Variants in FRMD4A observed in about 807,000 individuals in gnomAD.
The protein encoded by FRMD4A is FERM domain-containing protein 4A.
Under a neutral mutation model 129.1 loss-of-function variants are expected in FRMD4A, and 29 were observed. That is an observed-to-expected ratio of 0.22 (90% CI 0.17 to 0.31). FRMD4A has a LOEUF of 0.31. Among genes scored for constraint, FRMD4A ranks in the 10% least tolerant of loss-of-function variants. The pLI, the probability that FRMD4A is intolerant of heterozygous loss-of-function variation, is 1.00. For synonymous variants in FRMD4A, 634 were observed against 571.6 expected, an observed-to-expected ratio of 1.11 and a Z score of -1.56; for missense variants, 1,272 against 1,375.8, an observed-to-expected ratio of 0.92 and a Z score of 1.19.
intron 2 of FRMD4A, among the ~76,000 whole-genome samples, chr10:13,874,895 T>C (rs2094473552): frequency 6.6e-6 from 1 of 152,224 alleles, no homozygotes; most frequent in Non-Finnish European, 1.5e-5. Flanking sequence ...AACTTCTATG[T>C]TCTGTAGAGG....
At chr10:14,309,792 G>A (rs920055914) in intron 2 of FRMD4A, among the ~76,000 whole-genome samples, 2 of 152,046 alleles carry the variant, frequency 1.3e-5, no homozygotes, top group South Asian at 2.1e-4. Flanking sequence ...TCTTCCCAAC[G>A]TAGTCTTCTC....
chr10:14,056,591 G>A (rs1834543694), intron 2 of FRMD4A, among the ~76,000 whole-genome samples: 1 of 151,690 alleles, frequency 6.6e-6, no homozygotes, highest in African/African-American at 2.4e-5. Flanking sequence ...TTAAGTTTTG[G>A]CCCCAGTATT....
Position 14,036,707 on chromosome 10 carries a change from C to T in FRMD4A, c.46-177795G>A, listed in dbSNP as rs187719927. Among the ~76,000 whole-genome samples the T allele has an allele frequency of 1.2e-4, 18 of 152,234 alleles. No individual in the cohort carries two copies. The East Asian group carries it at 2.1e-3, about 18-fold the overall frequency. On this transcript the variant is annotated intron_variant, in intron 2 of 24. Transcript: ENST00000357447. ...AAGCAATTCACCTCCCTCAGCCTCC[C>T]GAGTAGCTGGAATTACAGGCTATTG...
At chr10:13,865,121 G>C (rs541616090) in intron 2 of FRMD4A, among the ~76,000 whole-genome samples, 12 of 152,188 alleles carry the variant, frequency 7.9e-5, no homozygotes, top group African/African-American at 2.9e-4. Context: ...GGAATTACAG[G>C]AGTGATCCAA....
chr10:14,116,118 G>A (rs934693744), intron 2 of FRMD4A, among the ~76,000 whole-genome samples: 9 of 152,212 alleles, frequency 5.9e-5, no homozygotes, highest in African/African-American at 2.2e-4. Flanking sequence ...TGCCTTAGTT[G>A]TTTTTCTCCT....
chr10:13,939,579 C>T (rs1173348878), intron 2 of FRMD4A, among the ~76,000 whole-genome samples: 1 of 152,112 alleles, frequency 6.6e-6, no homozygotes, highest in East Asian at 1.9e-4. Context: ...ATTTTTTCCT[C>T]CAGAAAAATG....
At chr10:14,133,877 A>G (rs902279485) in intron 2 of FRMD4A, among the ~76,000 whole-genome samples, 1 of 152,232 alleles carries the variant, frequency 6.6e-6, no homozygotes, top group Non-Finnish European at 1.5e-5. Flanking sequence ...AGTCTCACCT[A>G]TGATGAATTC....
intron 12 of FRMD4A, among the ~76,000 whole-genome samples, chr10:13,727,234 T>C (rs2089962168): frequency 6.6e-6 from 1 of 152,204 alleles, no homozygotes; most frequent in Non-Finnish European, 1.5e-5. Flanking sequence ...TTCCATGTGA[T>C]GAGGATGCTG....
chr10:14,248,135 G>C (rs144583908), intron 2 of FRMD4A, among the ~76,000 whole-genome samples: 44 of 152,288 alleles, frequency 2.9e-4, no homozygotes, highest in Non-Finnish European at 2.5e-4. Flanking sequence ...CTGTATGGTA[G>C]GCAGAGGCAT....
chr10:14,112,203 C>T (rs536562960), intron 2 of FRMD4A, among the ~76,000 whole-genome samples: 23 of 152,094 alleles, frequency 1.5e-4, no homozygotes, highest in Non-Finnish European at 2.6e-4. Context: ...TGGAATGTGG[C>T]CCAGCTGGGG....
At chr10:13,680,263 C>G (rs1217663055) in intron 15 of FRMD4A, among the ~76,000 whole-genome samples, 1 of 151,626 alleles carries the variant, frequency 6.6e-6, no homozygotes, top group African/African-American at 2.4e-5. Flanking sequence ...ATGAGACCAG[C>G]CTGGGCAACA....
intron 5 of FRMD4A, among the ~76,000 whole-genome samples, chr10:13,792,823 T>C (rs544833022): frequency 1.3e-5 from 2 of 152,104 alleles, no homozygotes; most frequent in Non-Finnish European, 2.9e-5. Context: ...AGGATCTGAG[T>C]CCTCCCTTCC....
At chr10:13,813,168 G>A (rs769694672) in intron 3 of FRMD4A, among the ~76,000 whole-genome samples, 3 of 152,250 alleles carry the variant, frequency 2.0e-5, no homozygotes, top group African/African-American at 4.8e-5. Context: ...GTAGTGGCCG[G>A]GCGCCATGGC....
At chr10:13,758,153 G>A (rs1406968281) in intron 8 of FRMD4A, among the ~76,000 whole-genome samples, 2 of 152,204 alleles carry the variant, frequency 1.3e-5, no homozygotes, top group East Asian at 1.9e-4. Context: ...TTTGGATATA[G>A]TCCCTGAAAT....
chr10:13,746,884 T>A (rs2091319233), intron 9 of FRMD4A, among the ~76,000 whole-genome samples: 1 of 152,162 alleles, frequency 6.6e-6, no homozygotes, highest in South Asian at 2.1e-4. Context: ...TGGGAGTCTT[T>A]CAAATGGCTT....
intron 2 of FRMD4A, among the ~76,000 whole-genome samples, chr10:13,983,361 A>G (rs1157095536): frequency 6.6e-6 from 1 of 152,184 alleles, no homozygotes; most frequent in South Asian, 2.1e-4. Context: ...TGACCGATGC[A>G]AAGAAGAGCA....
intron 8 of FRMD4A, among the ~76,000 whole-genome samples, chr10:13,755,149 T>C (rs765277011): frequency 7.9e-5 from 12 of 152,212 alleles, no homozygotes; most frequent in Non-Finnish European, 1.5e-4. Flanking sequence ...TATAAACGTT[T>C]ATATTACTCA....
chr10:14,243,848 G>A (rs553753442), intron 2 of FRMD4A, among the ~76,000 whole-genome samples: 7 of 147,022 alleles, frequency 4.8e-5, no homozygotes, highest in African/African-American at 1.7e-4. Flanking sequence ...AAAAAAAGGA[G>A]TAGTCAGCCC....
intron 18 of FRMD4A, 70 bp downstream of exon 18, chr10:13,666,027 T>C: frequency 1.2e-6 from 1 of 864,262 alleles, no homozygotes; most frequent in Non-Finnish European, 2.0e-6. Flanking sequence ...GGACCACTCG[T>C]GGGACCTGGC....
Sources: gnomAD v4.1 joint callset for allele counts (sites outside exome capture counted in the v4.1 genomes callset) on GRCh38, gnomAD v4.1.1 for gene constraint, MANE v1.5 for transcripts, NCBI Gene and HGNC (gene_info 2026-07-23, HGNC 2026-07-21) for gene names.